Variants in UVRAG observed in about 807,000 individuals in gnomAD.
UVRAG encodes UV radiation resistance-associated gene protein.
A neutral mutation model predicts 78.0 loss-of-function variants in UVRAG; 19 were observed. The ratio of observed to expected loss-of-function variants is 0.24; its 90% CI spans 0.17 to 0.36. The LOEUF is 0.36. UVRAG is among the 10% of genes least tolerant of loss of function. The pLI is 1.00. For missense variants in UVRAG, 740 were observed against 853.8 expected (o/e 0.87, Z 1.66); for synonymous variants, 323 against 324.6 (o/e 1.00, Z 0.05).
At chr11:75,913,714 T>C (rs1403582534) in intron 6 of UVRAG, among the ~76,000 whole-genome samples, 2 of 152,206 alleles carry the variant, frequency 1.3e-5, no homozygotes, top group Non-Finnish European at 2.9e-5. Context: ...TTTGACGGTT[T>C]TCTGACAATG....
At chr11:75,938,941 C>G (rs914394434) in intron 6 of UVRAG, among the ~76,000 whole-genome samples, 1 of 152,132 alleles carries the variant, frequency 6.6e-6, no homozygotes, top group Non-Finnish European at 1.5e-5. Flanking sequence ...CTGTTGGGAT[C>G]CCCATCCCTA....
chr11:76,022,263 T>C (rs1164341027), intron 12 of UVRAG, among the ~76,000 whole-genome samples: 1 of 152,230 alleles, frequency 6.6e-6, no homozygotes, highest in Non-Finnish European at 1.5e-5. Flanking sequence ...AAAATGTGTA[T>C]TCTGCTGTCA....
At chr11:75,978,109 A>G (rs1267365636) in intron 7 of UVRAG, among the ~76,000 whole-genome samples, 1 of 152,066 alleles carries the variant, frequency 6.6e-6, no homozygotes, top group Non-Finnish European at 1.5e-5. Flanking sequence ...AAAGGATTTT[A>G]TTTCTCCTTC....
chr11:75,846,358 A>G (rs1004075715), intron 1 of UVRAG, among the ~76,000 whole-genome samples: 4 of 152,222 alleles, frequency 2.6e-5, no homozygotes, highest in Non-Finnish European at 4.4e-5. Flanking sequence ...ACTCAGAACC[A>G]TTGCAAAGCC....
At chr11:76,123,504 C>CT (rs918568207) in intron 14 of UVRAG, among the ~76,000 whole-genome samples, 36 of 152,036 alleles carry the variant, frequency 2.4e-4, no homozygotes, top group Admixed American at 5.2e-4. Flanking sequence ...ATGGCATGCT[C>CT]TTTTTTTCTG....
intron 6 of UVRAG, among the ~76,000 whole-genome samples, chr11:75,926,108 A>G (rs1591025717): frequency 6.6e-6 from 1 of 152,082 alleles, no homozygotes; most frequent in Non-Finnish European, 1.5e-5. Flanking sequence ...TGGCACCCAC[A>G]CAATGGAGAC....
At chr11:76,001,765 A>T (rs927338581) in intron 8 of UVRAG, among the ~76,000 whole-genome samples, 1 of 152,322 alleles carries the variant, frequency 6.6e-6, no homozygotes, top group African/African-American at 2.4e-5. Context: ...ATGTACAGTA[A>T]TGAGTTATAA....
At chr11:75,988,636 G>T (rs947840140) in intron 8 of UVRAG, among the ~76,000 whole-genome samples, 4 of 152,172 alleles carry the variant, frequency 2.6e-5, no homozygotes, top group Non-Finnish European at 5.9e-5. Flanking sequence ...GGGATTGCTG[G>T]GGTATAGTAA....
chr11:75,909,672 G>T (rs1337972694), intron 5 of UVRAG, among the ~76,000 whole-genome samples: 1 of 152,162 alleles, frequency 6.6e-6, no homozygotes, highest in Non-Finnish European at 1.5e-5. Flanking sequence ...GATTTATAAA[G>T]ATTGTTTCAT....
intron 14 of UVRAG, among the ~76,000 whole-genome samples, chr11:76,129,480 G>A (rs73500006): frequency 0.021 from 3,247 of 152,190 alleles, 112 homozygotes; most frequent in African/African-American, 0.074. Flanking sequence ...GTGGAGATAA[G>A]TTCTGATATC....
rs765996254 is a variant in UVRAG, at chr11:75,912,038, C to T, written c.592C>T (p.Arg198Trp). ...TTCTTACGATGTCTTCTCTTTGCTA[C>T]GGTAAGAAACTTCTTAGATTGCCCT... ...RNSYDVFSLLRLHRAQCAIKQ... is the reference protein window; with the variant it reads ...RNSYDVFSLLWLHRAQCAIKQ... The change falls in exon 6 of 15, where the codon CGG becomes TGG. Residue 198 changes from arginine (R) to tryptophan (W), a missense_variant and splice_region_variant. Arg to Trp is a moderately radical substitution (Grantham distance 101). Transcript: ENST00000356136. 3.9e-5 allele frequency: 62 copies of T among 1,601,566 alleles called. No individual in the cohort carries two copies. Among genetic ancestry groups the T allele is most frequent in the Non-Finnish European group, 4.6e-5 (54 of 1,169,646 alleles).
At chr11:75,949,074 A>C (rs780096374) in intron 6 of UVRAG, among the ~76,000 whole-genome samples, 1 of 152,168 alleles carries the variant, frequency 6.6e-6, no homozygotes, top group South Asian at 2.1e-4. Context: ...GTTAGGGGCT[A>C]TTGGCTAGGT....
At chr11:76,128,180 C>T (rs996215134) in intron 14 of UVRAG, among the ~76,000 whole-genome samples, 5 of 152,268 alleles carry the variant, frequency 3.3e-5, no homozygotes, top group East Asian at 1.9e-4. Context: ...AGAGGATGAG[C>T]GAGTGTTACC....
At chr11:75,870,875 A>T (rs950984657) in intron 3 of UVRAG, among the ~76,000 whole-genome samples, 2 of 147,628 alleles carry the variant, frequency 1.4e-5, no homozygotes, top group East Asian at 2.0e-4. Context: ...GCTTTATTTT[A>T]TTTTTTTTTT....
rs1950835818 is a variant in UVRAG, at chr11:76,050,151, T to A, written c.1227-15559T>A. ...GACGGCTCTACCTGCTGTTAATCTG[T>A]GGCAAACACCATTCTGTAATTTAGG... On this transcript the variant is annotated intron_variant, in intron 12 of 14. Coordinates refer to ENST00000356136, the MANE Select transcript of UVRAG (RefSeq NM_003369.4). Among the ~76,000 whole-genome samples, 8 of 152,232 alleles carry A rather than the reference T, an allele frequency of 5.3e-5. No homozygotes were observed. In the South Asian group the frequency reaches 1.7e-3, roughly 31 times the overall value.
chr11:76,111,867 G>A (rs73498261), intron 13 of UVRAG, among the ~76,000 whole-genome samples: 3,195 of 149,718 alleles, frequency 0.021, 117 homozygotes, highest in African/African-American at 0.075. Flanking sequence ...ATAAACTAAC[G>A]GCCAAAGATT....
intron 8 of UVRAG, among the ~76,000 whole-genome samples, chr11:76,000,384 C>T (rs1439098420): frequency 1.3e-5 from 2 of 152,140 alleles, no homozygotes; most frequent in Admixed American, 1.3e-4. Context: ...AGGAGGATTG[C>T]TTGAAGCCAG....
At chr11:76,096,587 T>G (rs1328769078) in intron 13 of UVRAG, among the ~76,000 whole-genome samples, 1 of 152,170 alleles carries the variant, frequency 6.6e-6, no homozygotes, top group African/African-American at 2.4e-5. Context: ...GTGTGCGTGC[T>G]AAAGTGAGGT....
chr11:75,994,546 C>T (rs1259650293), intron 8 of UVRAG, among the ~76,000 whole-genome samples: 1 of 152,150 alleles, frequency 6.6e-6, no homozygotes, highest in African/African-American at 2.4e-5. Context: ...AAGTAGATAA[C>T]TTTTATTGAA....
Sources: gnomAD v4.1 joint callset for allele counts (sites outside exome capture counted in the v4.1 genomes callset) on GRCh38, gnomAD v4.1.1 for gene constraint, MANE v1.5 for transcripts, NCBI Gene and HGNC (gene_info 2026-07-23, HGNC 2026-07-21) for gene names.